KCNA6: variants seen among roughly 807,000 people sequenced by gnomAD.
The protein encoded by KCNA6 is potassium voltage-gated channel subfamily A member 6.
Under a neutral mutation model 29.5 loss-of-function variants are expected in KCNA6, and 17 were observed. That is an observed-to-expected ratio of 0.58 (90% CI 0.39 to 0.86). KCNA6 has a LOEUF of 0.86. KCNA6 is among the 40% of genes least tolerant of loss of function. The pLI is 0.00. For synonymous variants in KCNA6, 296 were observed against 304.7 expected (o/e 0.97, Z 0.30); for missense variants, 450 against 703.4 (o/e 0.64, Z 4.07).
chr12:4,813,350 T>G (rs1292424616), exon 1 of KCNA6: 1 of 167,096 alleles, frequency 6.0e-6, no homozygotes, highest in Non-Finnish European at 1.5e-5. Context: ...ATGGGGAATG[T>G]CTGGGAAGCT....
the KCNA6 span, among the ~76,000 whole-genome samples, chr12:4,818,844 A>G: frequency 7.1e-6 from 1 of 141,480 alleles, no homozygotes; most frequent in Non-Finnish European, 1.6e-5. Flanking sequence ...AAGTGCACAC[A>G]CACACACACA....
chr12:4,809,899 C>T lies in KCNA6; in HGVS notation c.-143C>T. 1.0e-6 allele frequency: 1 copy of T among 953,642 alleles called. No homozygotes were observed. Among genetic ancestry groups the T allele is most frequent in the Non-Finnish European group, 1.5e-6 (1 of 663,618 alleles). 59.1% of individuals were successfully genotyped at this position (953,642 alleles called of 1,614,324 possible). On this transcript the variant is annotated 5_prime_UTR_variant, in exon 1 of 1. It adds an upstream start codon to the 5' untranslated region. Coordinates refer to ENST00000280684, the Ensembl canonical transcript of KCNA6. ...AGGGCTTTAGGGCTCACGGACCCAA[C>T]GGCCAGGTCAGACCGCGAACCGGGA...
the KCNA6 span, among the ~76,000 whole-genome samples, chr12:4,847,639 G>A: frequency 1.3e-5 from 2 of 151,984 alleles, no homozygotes; most frequent in Non-Finnish European, 2.9e-5. Context: ...TTTATCTGAG[G>A]CTTTTTAATA....
chr12:4,841,471 A>C, the KCNA6 span, among the ~76,000 whole-genome samples: 2 of 152,228 alleles, frequency 1.3e-5, no homozygotes, highest in Admixed American at 6.5e-5. Context: ...GATGAAAATC[A>C]TTAGATTTAC....
At chr12:4,836,234 C>A in the KCNA6 span, among the ~76,000 whole-genome samples, 1 of 152,094 alleles carries the variant, frequency 6.6e-6, no homozygotes, top group African/African-American at 2.4e-5. Flanking sequence ...CAGGCGCAAG[C>A]CACCACGCCT....
Position 4,810,581 on chromosome 12 carries a change from C to CGT in KCNA6, c.543_544dup (p.Leu182CysfsTer8). The CGT allele has an allele frequency of 6.2e-7, 1 of 1,614,164 alleles. No individual in the cohort carries two copies. The highest frequency in any genetic ancestry group is 8.5e-7 in the Non-Finnish European group (1 of 1,180,016). On this transcript the variant is annotated frameshift_variant, in exon 1 of 1. Transcript: ENST00000280684. LOFTEE classifies it high-confidence loss of function. This position sits in a 1 kb window ranked among gnomAD's most constrained non-coding sequence, Gnocchi z 7.5. The stretch of plus-strand genomic sequence containing the variant: ...CGGCCAGGGGCATCGCCATCGTCTC[C>CGT]GTGTTGGTCATTCTCATCTCCATAG...
chr12:4,841,121 G>A, the KCNA6 span, among the ~76,000 whole-genome samples: 10,292 of 152,216 alleles, frequency 0.068, 550 homozygotes, highest in East Asian at 0.27. Context: ...TGCACAAGGA[G>A]TATAAACAAG....
the KCNA6 span, among the ~76,000 whole-genome samples, chr12:4,837,594 G>C: frequency 6.6e-6 from 1 of 152,098 alleles, no homozygotes; most frequent in Non-Finnish European, 1.5e-5. Flanking sequence ...CATGTTGGTG[G>C]GGAGGAATCC....
the KCNA6 span, among the ~76,000 whole-genome samples, chr12:4,844,087 A>G: frequency 1.3e-5 from 2 of 152,078 alleles, no homozygotes; most frequent in Non-Finnish European, 2.9e-5. This position sits in a 1 kb window ranked among gnomAD's most constrained non-coding sequence, Gnocchi z 4.0. Context: ...ATTTTTTCCC[A>G]GTAAATGCAG....
chr12:4,810,127 C>A lies in KCNA6; in HGVS notation c.86C>A (p.Pro29Gln). ...GAGCAACAGGATGCGGGAGACTTCC[C>A]GGAGGCCGGCGGGGGCGGGGGCTGC... Residue 29 changes from proline (P) to glutamine (Q), a missense_variant, in exon 1 of 1, where the codon CCG (proline) becomes CAG (glutamine). Transcript: ENST00000280684. This position sits in a 1 kb window ranked among gnomAD's most constrained non-coding sequence, Gnocchi z 7.5. 6.3e-7 allele frequency: 1 copy of A among 1,596,154 alleles called. No individual in the cohort carries two copies. Among genetic ancestry groups the A allele is most frequent in the Non-Finnish European group, 8.5e-7 (1 of 1,172,718 alleles).
the KCNA6 span, among the ~76,000 whole-genome samples, chr12:4,838,723 T>C: frequency 1.3e-5 from 2 of 152,160 alleles, no homozygotes; most frequent in African/African-American, 4.8e-5. Context: ...TGTCAGCAAA[T>C]TGGTTTCTGG....
chr12:4,822,880 G>T, the KCNA6 span, among the ~76,000 whole-genome samples: 8 of 152,326 alleles, frequency 5.3e-5, no homozygotes, highest in African/African-American at 1.9e-4. Context: ...CCTCTCCTGG[G>T]TTATTCCCAG....
At chr12:4,827,170 T>TTCCCTCCTTCTTTCCCTCCTTCCCTCCC in the KCNA6 span, among the ~76,000 whole-genome samples, 4 of 95,552 alleles carry the variant, frequency 4.2e-5, no homozygotes, top group Non-Finnish European at 8.2e-5. Context: ...CCTTCCCTCC[T>TTCCCTCCTTCTTTCCCTCCTTCCCTCCC]TCTTTCCTTC....
At chr12:4,834,781 C>G in the KCNA6 span, among the ~76,000 whole-genome samples, 1 of 152,182 alleles carries the variant, frequency 6.6e-6, no homozygotes, top group Non-Finnish European at 1.5e-5. Flanking sequence ...TCTCATCGAC[C>G]TTGGAGCCAA....
At chr12:4,817,654 A>G (rs1041031907), downstream of KCNA6, among the ~76,000 whole-genome samples, 7 of 152,178 alleles carry the variant, frequency 4.6e-5, no homozygotes, top group Non-Finnish European at 8.8e-5. Context: ...CAAAAGAGGA[A>G]AGGTTCCTAC....
the KCNA6 span, among the ~76,000 whole-genome samples, chr12:4,843,535 C>T: frequency 1.3e-5 from 2 of 152,198 alleles, no homozygotes; most frequent in East Asian, 3.9e-4. Flanking sequence ...AAAAGCGAAA[C>T]AATAGTTACG....
the KCNA6 span, among the ~76,000 whole-genome samples, chr12:4,834,335 C>T: frequency 2.0e-5 from 3 of 152,106 alleles, no homozygotes; most frequent in Admixed American, 6.5e-5. Flanking sequence ...GGTTGGGAAC[C>T]GGTAGGGTGC....
the KCNA6 span, among the ~76,000 whole-genome samples, chr12:4,846,854 C>CTGA: frequency 6.7e-6 from 1 of 149,570 alleles, no homozygotes; most frequent in Non-Finnish European, 1.5e-5. Flanking sequence ...TCTCAGCTCA[C>CTGA]TGCAAGCTCT....
chr12:4,829,102 C>G, the KCNA6 span, among the ~76,000 whole-genome samples: 6 of 152,032 alleles, frequency 3.9e-5, no homozygotes, highest in Non-Finnish European at 8.8e-5. Context: ...TCTATTGACA[C>G]AATAAAGCAC....
Sources: gnomAD v4.1 joint callset for allele counts (sites outside exome capture counted in the v4.1 genomes callset) on GRCh38, gnomAD v4.1.1 for gene constraint, Gnocchi (gnomAD v3.1) non-coding constraint, MANE v1.5 for transcripts, NCBI Gene and HGNC (gene_info 2026-07-23, HGNC 2026-07-21) for gene names.